Variants in NUDCD2 observed in about 807,000 individuals in gnomAD.
NUDCD2 encodes NudC domain containing 2.
Under a neutral mutation model 20.8 loss-of-function variants are expected in NUDCD2, and 16 were observed. The observed-to-expected ratio is 0.77, with a 90% CI of 0.52 to 1.17. The LOEUF is 1.17. Among genes scored for constraint, NUDCD2 ranks in the 50% most tolerant of loss-of-function variants. NUDCD2 has a pLI of 0.00. For missense variants in NUDCD2, 199 were observed against 193.9 expected (o/e 1.03, Z -0.16); for synonymous variants, 87 against 72.8 (o/e 1.20, Z -1.00).
chr5:163,448,874 T>C lies in NUDCD2; in HGVS notation c.*5093A>G, dbSNP rs978703743. 2 of 152,186 alleles carry C rather than the reference T, an allele frequency of 1.3e-5. No homozygotes were observed. The highest frequency in any genetic ancestry group is 4.8e-5 in the African/African-American group (2 of 41,450). The allele number at this position is 152,186 out of a possible 1,614,324, so 9.4% of individuals were successfully genotyped here. A position where few individuals can be genotyped will look rare whatever the true frequency, so the allele number is the denominator to read the frequency against. On this transcript the variant is annotated 3_prime_UTR_variant, in exon 4 of 4. Coordinates refer to ENST00000302764, the MANE Select transcript of NUDCD2 (RefSeq NM_145266.6). ...TAAACAAAAAGAATGACCAAACTGATACAGAAAGAGCATAGAAAATTCAGC... is the reference window on the plus strand; with the variant it reads ...TAAACAAAAAGAATGACCAAACTGACACAGAAAGAGCATAGAAAATTCAGC...
At position 163,457,626 on chromosome 5, in the gene NUDCD2, A is replaced by G. The variant is rs1758356975; in HGVS notation, c.190-16T>C. The G allele has an allele frequency of 6.6e-7, 1 of 1,507,880 alleles. No homozygotes were observed. The highest frequency in any genetic ancestry group is 9.2e-7 in the Non-Finnish European group (1 of 1,089,790). The allele number at this position is 1,507,880 out of a possible 1,614,324, so 93.4% of individuals were successfully genotyped here. On this transcript the variant is annotated splice_polypyrimidine_tract_variant and intron_variant, in intron 1 of 3. Transcript: ENST00000302764. The stretch of plus-strand genomic sequence containing the variant: ...AGAGTTTGCCCTGAAAAATAAACAT[A>G]TAAGGTGCTAAAAATACAGAATTTA...
chr5:163,452,104 G>A lies in NUDCD2; in HGVS notation c.*1863C>T, dbSNP rs769121605. The stretch of plus-strand genomic sequence containing the variant: ...CAAATAGGAATCAGGTTTCTCACTG[G>A]TACTGAAAACGGTTATAAATGTGGA... On this transcript the variant is annotated 3_prime_UTR_variant, in exon 4 of 4. Coordinates refer to ENST00000302764, the MANE Select transcript of NUDCD2 (RefSeq NM_145266.6). 6.6e-6 allele frequency: 1 copy of A among 151,744 alleles called. No individual in the cohort carries two copies. Among genetic ancestry groups the A allele is most frequent in the African/African-American group, 2.4e-5 (1 of 41,280 alleles). The allele number at this position is 151,744 out of a possible 1,614,324, so 9.4% of individuals were successfully genotyped here.
chr5:163,454,801 C>T (rs1049579598), intron 3 of NUDCD2, among the ~76,000 whole-genome samples: 30 of 152,142 alleles, frequency 2.0e-4, no homozygotes, highest in Admixed American at 1.9e-3. Context: ...ATTTGTTGAG[C>T]TCCTACTGTT....
rs1158842484 is a variant in NUDCD2 at position 163,459,915 on chromosome 5, C to T, written c.136G>A (p.Gly46Ser). The T allele has an allele frequency of 2.5e-6, 4 of 1,612,918 alleles. No homozygotes were observed. The highest frequency in any genetic ancestry group is 1.7e-4 in the Middle Eastern group (1 of 6,046). ...AGCGCCACATGCCGGCTCTGGAGGC[C>T]GCACTGGATATCCTGGGCGCGCGTG... ...PGTRAQDIQC[G>S]LQSRHVALSV... The change falls in exon 1 of 4, where the codon GGC becomes AGC. Residue 46 changes from glycine to serine, a missense_variant. By Grantham distance (56) the Gly-to-Ser change is moderately conservative (BLOSUM62 0). Transcript: ENST00000302764.
Position 163,456,976 on chromosome 5 carries a change from G to A in NUDCD2, c.343C>T (p.Gln115Ter). ...GTAAGCTTTCTCTGCATTTGGTCTT[G>A]CACCCAAGGATCCGCTGCATATTCA... ...ESEYAADPWV[Q>*]DQMQRKLTLE... Residue 115 changes from glutamine (Q) to a stop codon, truncating the protein, a stop_gained, in exon 3 of 4, where the codon CAA becomes TAA. Coordinates refer to ENST00000302764, the MANE Select transcript of NUDCD2 (RefSeq NM_145266.6). LOFTEE classifies it high-confidence loss of function. 1.2e-6 allele frequency: 2 copies of A among 1,612,328 alleles called. No individual in the cohort carries two copies. Among genetic ancestry groups the A allele is most frequent in the Non-Finnish European group, 1.7e-6 (2 of 1,179,360 alleles).
intron 2 of NUDCD2, 24 bp downstream of exon 2, chr5:163,457,538 A>T (rs1218399060): frequency 7.5e-7 from 1 of 1,333,182 alleles, no homozygotes; most frequent in African/African-American, 1.5e-5. Flanking sequence ...TTTTAATTTG[A>T]TGAATTATAG....
At chr5:163,459,835 T>G (rs771939872) in intron 1 of NUDCD2, 27 bp downstream of exon 1, 50 of 1,569,658 alleles carry the variant, frequency 3.2e-5, no homozygotes, top group Middle Eastern at 2.0e-4. Context: ...AAGAGGAAAC[T>G]GAACACAAGC....
rs954669862 is a variant in NUDCD2 at position 163,450,614 on chromosome 5, A to G, written c.*3353T>C. The G allele has an allele frequency of 4.6e-5, 7 of 152,244 alleles. No individual in the cohort carries two copies. The highest frequency in any genetic ancestry group is 1.7e-4 in the African/African-American group (7 of 41,466). The allele number at this position is 152,244 out of a possible 1,614,324, so 9.4% of individuals were successfully genotyped here. On this transcript the variant is annotated 3_prime_UTR_variant, in exon 4 of 4. Coordinates refer to ENST00000302764, the MANE Select transcript of NUDCD2 (RefSeq NM_145266.6). ...AGAATAGCAAACCAAAACTAGATAG[A>G]GATCCCATTTCATATCCACTAGAGT...
chr5:163,458,654 T>C (rs772276709), intron 1 of NUDCD2, among the ~76,000 whole-genome samples: 1 of 152,124 alleles, frequency 6.6e-6, no homozygotes, highest in Non-Finnish European at 1.5e-5. Context: ...TGTTGCCAAA[T>C]TTAAGTTATA....
At chr5:163,457,104 A>G in intron 2 of NUDCD2, 24 bp from the exon 3 acceptor site, 5 of 1,550,042 alleles carry the variant, frequency 3.2e-6, no homozygotes, top group Admixed American at 2.0e-5. Flanking sequence ...ACACACACAC[A>G]CACGCACAAA....
intron 3 of NUDCD2, among the ~76,000 whole-genome samples, chr5:163,455,254 G>A (rs1758273739): frequency 6.6e-6 from 1 of 152,214 alleles, no homozygotes; most frequent in Non-Finnish European, 1.5e-5. Flanking sequence ...CCAAACTGTG[G>A]GAGAAGAGCA....
At chr5:163,458,315 TTTAATC>T (rs1758377840) in intron 1 of NUDCD2, among the ~76,000 whole-genome samples, 1 of 152,158 alleles carries the variant, frequency 6.6e-6, no homozygotes, top group African/African-American at 2.4e-5. Context: ...TTAAAAACGT[TTTAATC>T]TTTTTGTTGG....
In NUDCD2 at chr5:163,452,308, G is replaced by A. The variant is rs1027970172; in HGVS notation, c.*1659C>T. 6.6e-6 allele frequency: 1 copy of A among 152,080 alleles called. No individual in the cohort carries two copies. Among genetic ancestry groups the A allele is most frequent in the East Asian group, 1.9e-4 (1 of 5,198 alleles). 9.4% of individuals were successfully genotyped at this position (152,080 alleles called of 1,614,324 possible). A position where few individuals can be genotyped will look rare whatever the true frequency, so the allele number is the denominator to read the frequency against. ...AATATTACTCACTAAAGAGAACCCA[G>A]GCTCTACGGAAAAATGGCTGATTCT... is the stretch of plus-strand genomic sequence containing the variant. On this transcript the variant is annotated 3_prime_UTR_variant, in exon 4 of 4. Coordinates refer to ENST00000302764, the MANE Select transcript of NUDCD2 (RefSeq NM_145266.6).
chr5:163,453,970 T>C lies in NUDCD2; in HGVS notation c.471A>G (p.Lys157=), dbSNP rs137919306. 824 of 1,519,630 alleles carry C rather than the reference T, an allele frequency of 5.4e-4. 3 individuals are homozygous for C. The highest frequency in any genetic ancestry group is 3.6e-3 in the African/African-American group (256 of 71,862). The allele number at this position is 1,519,630 out of a possible 1,614,324, so 94.1% of individuals were successfully genotyped here. ...CAGAATGCAGGAAAAAAAGCAGTTA[T>C]TTCTCAAGGTTTGAGAAATCTGGTC... ...KGGPDFSNLE[K] is the part of the protein sequence containing the mutation. Residue 157 remains lysine (K), a synonymous_variant, in exon 4 of 4, where the codon AAA becomes AAG. Transcript: ENST00000302764.
intron 3 of NUDCD2, among the ~76,000 whole-genome samples, chr5:163,455,044 G>A (rs1352766631): frequency 2.0e-5 from 3 of 151,408 alleles, no homozygotes; most frequent in Non-Finnish European, 4.4e-5. Context: ...GAGCATATAC[G>A]TATCCTAGAA....
Position 163,450,707 on chromosome 5 carries a change from C to A in NUDCD2, c.*3260G>T, listed in dbSNP as rs1758156978. On this transcript the variant is annotated 3_prime_UTR_variant, in exon 4 of 4. Transcript: ENST00000302764. ...GCAGAGAAAATGGAACCTGCATACA[C>A]TGCTGGTGGGAAAGTAAAAAGATGT... The A allele has an allele frequency of 6.6e-6, 1 of 152,174 alleles. No individual in the cohort carries two copies. Among genetic ancestry groups the A allele is most frequent in the Admixed American group, 6.5e-5 (1 of 15,278 alleles). 9.4% of individuals were successfully genotyped at this position (152,174 alleles called of 1,614,324 possible).
Position 163,459,882 on chromosome 5 carries a change from C to T in NUDCD2, c.169G>A (p.Gly57Ser). The stretch of plus-strand genomic sequence containing the variant: ...GCTACCTTGAGGATCTCGCGGCCGC[C>T]CACCGACAGCGCCACATGCCGGCTC... ...LQSRHVALSV[G>S]GREILKGKLF... Residue 57 changes from glycine to serine, a missense_variant, in exon 1 of 4, where the codon GGC becomes AGC. Gly to Ser is a moderately conservative substitution (Grantham distance 56). Coordinates refer to ENST00000302764, the MANE Select transcript of NUDCD2 (RefSeq NM_145266.6). 1.2e-6 allele frequency: 2 copies of T among 1,607,518 alleles called. No homozygotes were observed. Among genetic ancestry groups the T allele is most frequent in the South Asian group, 1.1e-5 (1 of 90,590 alleles).
rs914859402 is a variant in NUDCD2 at position 163,447,204 on chromosome 5, T to C, written c.*6763A>G. ...GACTCATTCATTCCTGTAATTCCAA[T>C]GCTTTGGGAAGCCAAGGTGGGAGGA... On this transcript the variant is annotated 3_prime_UTR_variant, in exon 4 of 4. Transcript: ENST00000302764. The C allele has an allele frequency of 3.3e-5, 5 of 152,428 alleles. No individual in the cohort carries two copies. Among genetic ancestry groups the C allele is most frequent in the African/African-American group, 9.7e-5 (4 of 41,382 alleles). 9.4% of individuals were successfully genotyped at this position (152,428 alleles called of 1,614,324 possible). A position where few individuals can be genotyped will look rare whatever the true frequency, so the allele number is the denominator to read the frequency against.
intron 1 of NUDCD2, among the ~76,000 whole-genome samples, chr5:163,458,597 TA>T (rs915409389): frequency 1.3e-5 from 2 of 151,626 alleles, no homozygotes; most frequent in African/African-American, 4.9e-5. Flanking sequence ...AATAAATATA[TA>T]TTTTTTTTTA....
Sources: allele counts gnomAD v4.1 joint callset (sites outside exome capture counted in the v4.1 genomes callset), GRCh38; gene constraint gnomAD v4.1.1; transcripts MANE v1.5; gene names NCBI Gene and HGNC (gene_info 2026-07-23, HGNC 2026-07-21).